The following SMAD9 variants were observed in gnomAD, a reference collection of about 807,000 sequenced individuals.
SMAD9 encodes SMAD family member 9, also known as MAD homolog 9.
SMAD9 carries 36 observed loss-of-function variants against 46.1 expected under a neutral mutation model. The observed-to-expected ratio is 0.78, with a 90% confidence interval of 0.60 to 1.03. SMAD9 has a LOEUF of 1.03. SMAD9 is among the 50% of genes least tolerant of loss of function. SMAD9 has a pLI of 0.00. For missense variants in SMAD9, 572 were observed against 599.8 expected, an observed-to-expected ratio of 0.95 and a Z score of 0.48; for synonymous variants, 245 against 237.1, an observed-to-expected ratio of 1.03 and a Z score of -0.31.
chr13:36,866,839 G>C (rs1289015686), intron 4 of SMAD9, among the ~76,000 whole-genome samples: 1 of 152,114 alleles, frequency 6.6e-6, no homozygotes, highest in Non-Finnish European at 1.5e-5. Flanking sequence ...TTAAGGTCGA[G>C]CAACACTTAT....
At chr13:36,873,546 T>A (rs923018448) in intron 2 of SMAD9, among the ~76,000 whole-genome samples, 2 of 152,082 alleles carry the variant, frequency 1.3e-5, no homozygotes, top group African/African-American at 4.8e-5. Flanking sequence ...AAACGGTGAA[T>A]AATAATAAAA....
intron 5 of SMAD9, among the ~76,000 whole-genome samples, chr13:36,863,022 C>T (rs614150): frequency 0.053 from 8,138 of 152,214 alleles, 415 homozygotes; most frequent in South Asian, 0.12. Flanking sequence ...AGTAAGTACT[C>T]GTGAGATGAA....
chr13:36,853,509 G>C lies in SMAD9; in HGVS notation c.1170C>G (p.Phe390Leu). ...GAACTGACTGGGCCAGGAGCTGAGC[G>C]AAGAGCTGGTTGTTGAAGACCTTGA... ...CSLKVFNNQL[F>L]AQLLAQSVHH... Residue 390 changes from phenylalanine (F) to leucine (L), a missense_variant, in exon 6 of 7, where the codon TTC becomes TTG. Coordinates refer to ENST00000379826, the MANE Select transcript of SMAD9 (RefSeq NM_001127217.3). 6.2e-7 allele frequency: 1 copy of C among 1,614,164 alleles called. No individual in the cohort carries two copies. Among genetic ancestry groups the C allele is most frequent in the South Asian group, 1.1e-5 (1 of 91,086 alleles).
At chr13:36,894,746 A>G (rs1042061366) in intron 1 of SMAD9, among the ~76,000 whole-genome samples, 1 of 152,046 alleles carries the variant, frequency 6.6e-6, no homozygotes, top group African/African-American at 2.4e-5. Context: ...CCTGTGTGGC[A>G]TCATGCTGAT....
At chr13:36,910,096 C>G (rs1354536009) in intron 1 of SMAD9, among the ~76,000 whole-genome samples, 8 of 151,752 alleles carry the variant, frequency 5.3e-5, no homozygotes, top group Admixed American at 5.2e-4. Flanking sequence ...ACTCAGGAGG[C>G]TGAGGCAGGA....
intron 2 of SMAD9, among the ~76,000 whole-genome samples, chr13:36,877,591 T>C (rs1005470182): frequency 3.3e-5 from 5 of 152,162 alleles, no homozygotes; most frequent in African/African-American, 1.2e-4. Context: ...AATCCAGTCA[T>C]TTTTGTTATA....
At position 36,853,959 on chromosome 13, in the gene SMAD9, G is replaced by GA. The variant is rs576602037; in HGVS notation, c.1004-285dup. Among the ~76,000 whole-genome samples the GA allele has an allele frequency of 5.0e-3, 760 of 152,270 alleles. 3 individuals carry two copies. The highest frequency in any genetic ancestry group is 0.017 in the African/African-American group (691 of 41,560). ...AGATCATTTGAGGTCGGGAGTTCAA[G>GA]ACTAGCCTGGCCAACACAGTGAAAC... On this transcript the variant is annotated intron_variant, in intron 5 of 6. Coordinates refer to ENST00000379826, the MANE Select transcript of SMAD9 (RefSeq NM_001127217.3).
In SMAD9 at chr13:36,913,386, A is replaced by G. The variant is rs117167829; in HGVS notation, c.-187+6730T>C. On this transcript the variant is annotated intron_variant, in intron 1 of 6. Coordinates refer to ENST00000379826, the MANE Select transcript of SMAD9 (RefSeq NM_001127217.3). ...GGGCCTCATAGGCAGGGTAGACACA[A>G]TAGACACAGAGTAAATAATGGTTGA... Among the ~76,000 whole-genome samples, 868 of 152,296 alleles carry G rather than the reference A, an allele frequency of 5.7e-3. 2 individuals are homozygous for G. Among genetic ancestry groups the G allele is most frequent in the Non-Finnish European group, 8.5e-3 (580 of 68,028 alleles).
intron 1 of SMAD9, among the ~76,000 whole-genome samples, chr13:36,890,322 T>C (rs2058479511): frequency 6.6e-6 from 1 of 152,224 alleles, no homozygotes; most frequent in South Asian, 2.1e-4. Flanking sequence ...AGAATATCAC[T>C]GTTAAGCAAA....
At chr13:36,852,247 T>C (rs2138275031) in intron 6 of SMAD9, 1 of 933,334 alleles carries the variant, frequency 1.1e-6, no homozygotes, top group African/African-American at 1.8e-5. Context: ...GTCATGGTAA[T>C]TTTAAAGTGC....
rs1366259463 is a variant in SMAD9, at chr13:36,867,326, T to C, written c.728A>G (p.Gln243Arg). ...ATEASETQSG[Q>R]PVDATADRHV... ...TCTATCAGCTGTGGCATCTACAGGTTGGCCACTCTGGGTCTCAGAGGCTTC... is the reference window on the plus strand; with the variant it reads ...TCTATCAGCTGTGGCATCTACAGGTCGGCCACTCTGGGTCTCAGAGGCTTC... Residue 243 changes from glutamine (Q) to arginine (R), a missense_variant, in exon 4 of 7, where the codon CAA (glutamine) becomes CGA (arginine). Transcript: ENST00000379826. 20 of 1,551,320 alleles carry C rather than the reference T, an allele frequency of 1.3e-5. No homozygotes were observed. The highest frequency in any genetic ancestry group is 1.7e-5 in the Non-Finnish European group (19 of 1,146,828).
chr13:36,919,564 A>G (rs9603116), intron 1 of SMAD9, among the ~76,000 whole-genome samples: 60,020 of 151,820 alleles, frequency 0.4, 13,695 homozygotes, highest in Non-Finnish European at 0.5. Flanking sequence ...AGTGGCCCCC[A>G]AAGAGTCACA....
chr13:36,889,569 T>C (rs2058473793), intron 1 of SMAD9, among the ~76,000 whole-genome samples: 2 of 152,212 alleles, frequency 1.3e-5, no homozygotes, highest in South Asian at 2.1e-4. Flanking sequence ...CAGGCTTTTT[T>C]ATTTTTATTA....
At chr13:36,851,474 T>C (rs541156803) in intron 6 of SMAD9, among the ~76,000 whole-genome samples, 1 of 152,328 alleles carries the variant, frequency 6.6e-6, no homozygotes, top group East Asian at 1.9e-4. Context: ...AGACTTTCTC[T>C]TTCCATCCTT....
Position 36,845,856 on chromosome 13 carries a change from GA to G in SMAD9, c.*2819del, listed in dbSNP as rs2138238133. The G allele has an allele frequency of 6.6e-6, 1 of 152,278 alleles. No individual in the cohort carries two copies. The highest frequency in any genetic ancestry group is 2.4e-5 in the African/African-American group (1 of 41,560). 9.4% of individuals were successfully genotyped at this position (152,278 alleles called of 1,614,324 possible). ...CTTTTGATGAGACATGACTGGTGAT[GA>G]TCATATGTGCCAATTTAATAATTTA... On this transcript the variant is annotated 3_prime_UTR_variant, in exon 7 of 7. Coordinates refer to ENST00000379826, the MANE Select transcript of SMAD9 (RefSeq NM_001127217.3).
intron 1 of SMAD9, among the ~76,000 whole-genome samples, chr13:36,889,141 G>A (rs184357285): frequency 1.3e-5 from 2 of 152,182 alleles, no homozygotes; most frequent in East Asian, 1.9e-4. Context: ...CTGAATAAAC[G>A]TTTTATTAGC....
intron 1 of SMAD9, 84 bp from the exon 2 acceptor site, chr13:36,879,959 C>T (rs1593590618): frequency 2.0e-6 from 1 of 494,144 alleles, no homozygotes; most frequent in Non-Finnish European, 3.7e-6. Flanking sequence ...AGGCAATCTA[C>T]ACCTACAGTC....
intron 1 of SMAD9, among the ~76,000 whole-genome samples, chr13:36,900,509 G>T (rs1272440111): frequency 6.6e-6 from 1 of 151,968 alleles, no homozygotes; most frequent in Non-Finnish European, 1.5e-5. Flanking sequence ...TTGAACTCCT[G>T]ACCTCGTGAT....
chr13:36,890,492 T>C (rs2058480956), intron 1 of SMAD9, among the ~76,000 whole-genome samples: 1 of 152,244 alleles, frequency 6.6e-6, no homozygotes, highest in Admixed American at 6.5e-5. Flanking sequence ...GAACCAGTTT[T>C]TTTCAATGTT....
Sources: gnomAD v4.1 joint callset for allele counts (sites outside exome capture counted in the v4.1 genomes callset) on GRCh38, gnomAD v4.1.1 for gene constraint, MANE v1.5 for transcripts, NCBI Gene and HGNC (gene_info 2026-07-23, HGNC 2026-07-21) for gene names.